The following GRAMD1C variants were observed in gnomAD, a reference collection of about 807,000 sequenced individuals.
The protein encoded by GRAMD1C is GRAM domain containing 1C.
In GRAMD1C, 89 loss-of-function variants were observed where a neutral mutation model predicts 97.8. The ratio of observed to expected loss-of-function variants is 0.91; its 90% CI spans 0.77 to 1.09. The LOEUF is 1.09. Among genes scored for constraint, GRAMD1C ranks in the 50% least tolerant of loss-of-function variants. The probability of loss-of-function intolerance (pLI) is 0.00; values close to 1 mark genes in which losing one functional copy is unlikely to be tolerated. For synonymous variants in GRAMD1C, 256 were observed against 267.0 expected, an observed-to-expected ratio of 0.96 and a Z score of 0.40; for missense variants, 740 against 766.4, an observed-to-expected ratio of 0.97 and a Z score of 0.41.
At chr3:113,932,212 A>G (rs1451994516) in intron 11 of GRAMD1C, among the ~76,000 whole-genome samples, 5 of 152,226 alleles carry the variant, frequency 3.3e-5, no homozygotes, top group Admixed American at 1.3e-4. Flanking sequence ...AGTTGTGCTT[A>G]TAAGAGCAAA....
At chr3:113,829,045 C>T (rs1709524475) in intron 1 of GRAMD1C, among the ~76,000 whole-genome samples, 1 of 152,134 alleles carries the variant, frequency 6.6e-6, no homozygotes, top group Non-Finnish European at 1.5e-5. Context: ...TGCTTGGACT[C>T]CAGGGGCAAT....
At chr3:113,904,824 GT>G (rs899140604) in intron 8 of GRAMD1C, among the ~76,000 whole-genome samples, 3 of 151,998 alleles carry the variant, frequency 2.0e-5, no homozygotes, top group African/African-American at 4.8e-5. Flanking sequence ...AAGCACATCA[GT>G]TTTTTGTTTT....
intron 2 of GRAMD1C, among the ~76,000 whole-genome samples, chr3:113,847,814 C>G (rs1429620437): frequency 3.3e-5 from 5 of 151,958 alleles, no homozygotes; most frequent in African/African-American, 4.8e-5. Context: ...GAGATCCCAT[C>G]TCTAAAACAA....
At chr3:113,859,969 C>T (rs970211819) in intron 2 of GRAMD1C, among the ~76,000 whole-genome samples, 4 of 152,152 alleles carry the variant, frequency 2.6e-5, no homozygotes, top group African/African-American at 7.2e-5. Flanking sequence ...ACATCCTTAA[C>T]ATGAAATTAA....
intron 5 of GRAMD1C, among the ~76,000 whole-genome samples, chr3:113,877,757 G>A (rs1298147301): frequency 6.6e-6 from 1 of 151,422 alleles, no homozygotes; most frequent in Non-Finnish European, 1.5e-5. Flanking sequence ...GTTTTCCTTT[G>A]TAGTAATAAG....
At chr3:113,839,565 CA>C (rs1709725380) in intron 1 of GRAMD1C, among the ~76,000 whole-genome samples, 1 of 152,252 alleles carries the variant, frequency 6.6e-6, no homozygotes, top group South Asian at 2.1e-4. Context: ...TTATAGTTTA[CA>C]GATTAGTGGA....
At chr3:113,891,806 G>A (rs1935736803) in intron 6 of GRAMD1C, among the ~76,000 whole-genome samples, 1 of 152,022 alleles carries the variant, frequency 6.6e-6, no homozygotes, top group South Asian at 2.1e-4. Flanking sequence ...AGGATCACTT[G>A]AGCCCAGGAG....
chr3:113,870,935 A>G (rs1934777597), intron 3 of GRAMD1C, among the ~76,000 whole-genome samples: 2 of 150,612 alleles, frequency 1.3e-5, no homozygotes, highest in South Asian at 4.2e-4. Context: ...TGGGCAACAA[A>G]GCGAGACCTT....
chr3:113,914,443 G>C (rs867663556), intron 9 of GRAMD1C, among the ~76,000 whole-genome samples: 1 of 152,172 alleles, frequency 6.6e-6, no homozygotes, highest in Non-Finnish European at 1.5e-5. Context: ...GAGTTTTTCT[G>C]ATCCATAGAC....
chr3:113,832,864 G>A (rs76405987), intron 1 of GRAMD1C, among the ~76,000 whole-genome samples: 2,222 of 152,256 alleles, frequency 0.015, 52 homozygotes, highest in African/African-American at 0.048. Context: ...CAGCCAGGCA[G>A]TTTATATCTC....
intron 6 of GRAMD1C, among the ~76,000 whole-genome samples, chr3:113,890,460 C>A (rs1935677438): frequency 6.6e-6 from 1 of 152,234 alleles, no homozygotes. Context: ...CTCAACTCAG[C>A]TCTATGCTGC....
rs975149135 is a variant in GRAMD1C at position 113,850,454 on chromosome 3, A to G, written c.174+5805A>G. The G allele has an allele frequency of 9.5e-6, 13 of 1,362,718 alleles. 1 individual carries two copies. In the South Asian group the frequency reaches 1.3e-4, roughly 13 times the overall value. The allele number at this position is 1,362,718 out of a possible 1,614,324, so 84.4% of individuals were successfully genotyped here. A position where few individuals can be genotyped will look rare whatever the true frequency, so the allele number is the denominator to read the frequency against. ...GCCAGTCTCTGGATGGCTGCAGCGT[A>G]GGGTGGCAGCACAGTCTCCGGGGCA... On this transcript the variant is annotated intron_variant, in intron 2 of 17. Coordinates refer to ENST00000358160, the MANE Select transcript of GRAMD1C (RefSeq NM_017577.5).
At position 113,933,388 on chromosome 3, in the gene GRAMD1C, A is replaced by T. The variant is rs1937511659; in HGVS notation, c.1210-123A>T. The T allele has an allele frequency of 1.5e-5, 10 of 664,464 alleles. No individual in the cohort carries two copies. In the Admixed American group the frequency reaches 1.6e-4, roughly 10 times the overall value. The allele number at this position is 664,464 out of a possible 1,614,324, so 41.2% of individuals were successfully genotyped here. A position where few individuals can be genotyped will look rare whatever the true frequency, so the allele number is the denominator to read the frequency against. ...AGCATGTAGGCTCTTTTAGCTTTGT[A>T]TATAGGTTTCTCATGTTTTTTGTAA... On this transcript the variant is annotated intron_variant, in intron 11 of 17. Coordinates refer to ENST00000358160, the MANE Select transcript of GRAMD1C (RefSeq NM_017577.5).
intron 5 of GRAMD1C, among the ~76,000 whole-genome samples, chr3:113,881,649 CA>C (rs1371108277): frequency 6.6e-6 from 1 of 152,042 alleles, no homozygotes; most frequent in Non-Finnish European, 1.5e-5. Context: ...AAGCATAACA[CA>C]GTGGTGAAAA....
chr3:113,835,737 G>C (rs1021310155), upstream of GRAMD1C, among the ~76,000 whole-genome samples: 2 of 152,154 alleles, frequency 1.3e-5, no homozygotes, highest in African/African-American at 4.8e-5. Flanking sequence ...TCTGTGTTTC[G>C]AACGATGTTC....
intron 3 of GRAMD1C, among the ~76,000 whole-genome samples, chr3:113,873,238 C>T (rs61577228): frequency 0.29 from 44,406 of 151,778 alleles, 7,758 homozygotes; most frequent in Non-Finnish European, 0.38. Context: ...CTAGCCTGGG[C>T]GACAGAGCAA....
intron 14 of GRAMD1C, 116 bp from the exon 15 acceptor site, chr3:113,937,970 A>C (rs1937611096): frequency 3.4e-6 from 2 of 584,722 alleles, no homozygotes; most frequent in African/African-American, 4.2e-5. Context: ...GTGCCATTGC[A>C]CTCCAGCCTG....
chr3:113,928,496 A>G (rs1937305041), intron 10 of GRAMD1C, among the ~76,000 whole-genome samples: 1 of 152,338 alleles, frequency 6.6e-6, no homozygotes, highest in East Asian at 1.9e-4. Flanking sequence ...AAAATTTACC[A>G]TTTAACCATT....
intron 2 of GRAMD1C, among the ~76,000 whole-genome samples, chr3:113,862,445 G>A (rs993768677): frequency 2.6e-4 from 39 of 152,174 alleles, no homozygotes; most frequent in Admixed American, 6.5e-4. Flanking sequence ...GCTCTGTTCC[G>A]CCTGGCTCAC....
Sources: gnomAD v4.1 joint callset for allele counts (sites outside exome capture counted in the v4.1 genomes callset) on GRCh38, gnomAD v4.1.1 for gene constraint, MANE v1.5 for transcripts, NCBI Gene and HGNC (gene_info 2026-07-23, HGNC 2026-07-21) for gene names.